The following KATNAL1 variants were observed in gnomAD, a reference collection of about 807,000 sequenced individuals.
KATNAL1 encodes katanin catalytic subunit A1 like 1, also known as katanin p60 ATPase-containing subunit A-like 1.
KATNAL1 carries 32 observed loss-of-function variants against 55.2 expected under a neutral mutation model. That is an observed-to-expected ratio of 0.58 (90% CI 0.44 to 0.78). The LOEUF (loss-of-function observed/expected upper bound fraction) is 0.78. Ranked by LOEUF, KATNAL1 falls within the 30% of genes least tolerant of loss-of-function variation. KATNAL1 has a pLI of 0.00. For synonymous variants in KATNAL1, 193 were observed against 193.6 expected, an observed-to-expected ratio of 1.00 and a Z score of 0.02; for missense variants, 466 against 600.9, an observed-to-expected ratio of 0.78 and a Z score of 2.35.
At chr13:30,294,237 T>C (rs1421550292) in intron 1 of KATNAL1, among the ~76,000 whole-genome samples, 2 of 152,218 alleles carry the variant, frequency 1.3e-5, no homozygotes, top group African/African-American at 2.4e-5. Flanking sequence ...AAAGCTAAGA[T>C]AGGGCAAGAG....
At chr13:30,301,555 C>T (rs1264800576) in intron 1 of KATNAL1, among the ~76,000 whole-genome samples, 2 of 152,116 alleles carry the variant, frequency 1.3e-5, no homozygotes, top group East Asian at 3.9e-4. Flanking sequence ...AGTTACCCAC[C>T]ATTTAGCAGA....
At chr13:30,214,321 C>A (rs2137349641) in intron 9 of KATNAL1, among the ~76,000 whole-genome samples, 1 of 152,218 alleles carries the variant, frequency 6.6e-6, no homozygotes, top group African/African-American at 2.4e-5. Flanking sequence ...TAGGAAGAAT[C>A]AATATCGTGA....
chr13:30,221,035 T>C (rs1428937012), intron 9 of KATNAL1, among the ~76,000 whole-genome samples: 1 of 152,218 alleles, frequency 6.6e-6, no homozygotes, highest in African/African-American at 2.4e-5. Context: ...AAAAGTTTTC[T>C]TTTTAAGTAA....
chr13:30,262,238 T>C (rs1021165267), intron 3 of KATNAL1, among the ~76,000 whole-genome samples: 7 of 151,732 alleles, frequency 4.6e-5, no homozygotes, highest in African/African-American at 1.5e-4. Flanking sequence ...GGGAAATTTA[T>C]AGCACTAAAT....
chr13:30,228,207 C>T (rs1875704444), intron 8 of KATNAL1, among the ~76,000 whole-genome samples: 1 of 152,060 alleles, frequency 6.6e-6, no homozygotes, highest in African/African-American at 2.4e-5. Flanking sequence ...ACAACAGAAA[C>T]TTTAGAAAAT....
chr13:30,270,639 T>C (rs1296095301), intron 3 of KATNAL1, among the ~76,000 whole-genome samples: 2 of 151,816 alleles, frequency 1.3e-5, no homozygotes, highest in Non-Finnish European at 2.9e-5. Context: ...CTGAAACATG[T>C]GCTGTGTCCA....
chr13:30,250,288 A>G (rs778560216), intron 4 of KATNAL1, among the ~76,000 whole-genome samples: 2 of 152,254 alleles, frequency 1.3e-5, no homozygotes, highest in Non-Finnish European at 2.9e-5. Context: ...TGCTGTTGTT[A>G]CACTGTAAAT....
chr13:30,236,574 C>G (rs61946931), intron 6 of KATNAL1, among the ~76,000 whole-genome samples: 1 of 152,140 alleles, frequency 6.6e-6, no homozygotes, highest in Non-Finnish European at 1.5e-5. Flanking sequence ...TTTCAACAAC[C>G]TCCTGATCAG....
At chr13:30,297,231 A>G (rs927674683) in intron 1 of KATNAL1, among the ~76,000 whole-genome samples, 2 of 151,922 alleles carry the variant, frequency 1.3e-5, no homozygotes, top group Non-Finnish European at 2.9e-5. Flanking sequence ...GAGAAGAAGG[A>G]GGAAGAAGAA....
At chr13:30,239,786 A>G (rs1877076686) in intron 6 of KATNAL1, among the ~76,000 whole-genome samples, 1 of 150,966 alleles carries the variant, frequency 6.6e-6, no homozygotes, top group African/African-American at 2.4e-5. Flanking sequence ...CGCGGGTTCA[A>G]GCAATTCTCC....
Position 30,280,054 on chromosome 13 carries a change from C to G in KATNAL1, c.323+9G>C. On this transcript the variant is annotated intron_variant, in intron 3 of 10. Transcript: ENST00000380615. ...GAAGCACCTAAAGAGAATATAAAGT[C>G]CTATTTACCTGTGTTCTGCAGGAAC... is the stretch of plus-strand genomic sequence containing the variant. 1 of 1,605,496 alleles carries G rather than the reference C, an allele frequency of 6.2e-7. No homozygotes were observed. Among genetic ancestry groups the G allele is most frequent in the Non-Finnish European group, 8.5e-7 (1 of 1,177,354 alleles).
intron 6 of KATNAL1, 58 bp from the exon 7 acceptor site, chr13:30,231,530 T>C (rs1222789339): frequency 6.9e-6 from 8 of 1,153,348 alleles, no homozygotes; most frequent in Admixed American, 6.4e-5. Context: ...TTTTTATAAA[T>C]TATCATCAGC....
intron 3 of KATNAL1, among the ~76,000 whole-genome samples, chr13:30,271,899 A>C (rs1261071570): frequency 6.6e-6 from 1 of 150,550 alleles, no homozygotes; most frequent in Non-Finnish European, 1.5e-5. Flanking sequence ...AAAAAAAAAA[A>C]ACAGAGTTGT....
rs1387854398 is a variant in KATNAL1 at position 30,230,371 on chromosome 13, T to C, written c.1012+97A>G. The C allele has an allele frequency of 6.4e-6, 7 of 1,102,246 alleles. No individual in the cohort carries two copies. In the East Asian group the frequency reaches 1.3e-4, roughly 21 times the overall value. 68.3% of individuals were successfully genotyped at this position (1,102,246 alleles called of 1,614,324 possible). ...AATAAATGGGTGAATGAACAAATAA[T>C]TAAACTCAGGCTGCCTTCTAATCCA... On this transcript the variant is annotated intron_variant, in intron 8 of 10. Transcript: ENST00000380615.
chr13:30,236,638 A>C (rs1876717633), intron 6 of KATNAL1, among the ~76,000 whole-genome samples: 1 of 152,218 alleles, frequency 6.6e-6, no homozygotes, highest in Non-Finnish European at 1.5e-5. Flanking sequence ...CCATACTGCT[A>C]CAGAAAAGAG....
intron 3 of KATNAL1, among the ~76,000 whole-genome samples, chr13:30,276,631 T>G (rs997847481): frequency 6.6e-6 from 1 of 152,230 alleles, no homozygotes; most frequent in Non-Finnish European, 1.5e-5. Context: ...TTAGTTACCT[T>G]TAAAATATCA....
intron 1 of KATNAL1, among the ~76,000 whole-genome samples, chr13:30,304,886 A>G (rs1345413189): frequency 6.6e-6 from 1 of 152,238 alleles, no homozygotes; most frequent in Non-Finnish European, 1.5e-5. Context: ...CTGAGGAATC[A>G]ATCAGCTAAG....
chr13:30,254,141 C>G (rs1459124577), intron 4 of KATNAL1, among the ~76,000 whole-genome samples: 1 of 152,148 alleles, frequency 6.6e-6, no homozygotes, highest in African/African-American at 2.4e-5. Flanking sequence ...TACTAGCAAA[C>G]TGGAGGTTGG....
chr13:30,277,982 CAAAAAAAAAA>C (rs55683675), intron 3 of KATNAL1, among the ~76,000 whole-genome samples: 17,520 of 60,930 alleles, frequency 0.29, 1,315 homozygotes, highest in South Asian at 0.45. Flanking sequence ...GACTCCGTCT[CAAAAAAAAAA>C]AAAAAAAAAA....
Sources: allele counts gnomAD v4.1 joint callset (sites outside exome capture counted in the v4.1 genomes callset), GRCh38; gene constraint gnomAD v4.1.1; transcripts MANE v1.5; gene names NCBI Gene and HGNC (gene_info 2026-07-23, HGNC 2026-07-21).